TMEFF1: variants seen among roughly 807,000 people sequenced by gnomAD.
The protein encoded by TMEFF1 is tomoregulin-1.
A neutral mutation model predicts 47.5 loss-of-function variants in TMEFF1; 20 were observed. The ratio of observed to expected loss-of-function variants is 0.42; its 90% CI spans 0.30 to 0.61. TMEFF1 has a LOEUF of 0.61. Among genes scored for constraint, TMEFF1 ranks in the 20% least tolerant of loss-of-function variants. The pLI, the probability that TMEFF1 is intolerant of heterozygous loss-of-function variation, is 0.19. For synonymous variants in TMEFF1, 162 were observed against 166.3 expected (o/e 0.97, Z 0.20); for missense variants, 411 against 471.1 (o/e 0.87, Z 1.18).
chr9:100,495,122 C>G (rs1285166052), intron 1 of TMEFF1, among the ~76,000 whole-genome samples: 1 of 151,970 alleles, frequency 6.6e-6, no homozygotes, highest in Non-Finnish European at 1.5e-5. Flanking sequence ...TCCAGGACAC[C>G]AGTGTTCCTG....
intron 7 of TMEFF1, among the ~76,000 whole-genome samples, chr9:100,550,694 T>G (rs914669507): frequency 6.6e-6 from 1 of 152,204 alleles, no homozygotes; most frequent in African/African-American, 2.4e-5. Flanking sequence ...ATAACTGCCT[T>G]TTTATTCATC....
At chr9:100,569,376 T>C (rs1349602363) in intron 8 of TMEFF1, among the ~76,000 whole-genome samples, 5 of 152,234 alleles carry the variant, frequency 3.3e-5, no homozygotes, top group East Asian at 3.8e-4. Flanking sequence ...ACACATCCTT[T>C]GCTCTTTTAT....
At chr9:100,486,550 T>TA (rs933459718) in intron 1 of TMEFF1, among the ~76,000 whole-genome samples, 4 of 152,322 alleles carry the variant, frequency 2.6e-5, no homozygotes, top group African/African-American at 7.2e-5. Context: ...CCTGAACTTT[T>TA]AAAAAAATAT....
intron 7 of TMEFF1, among the ~76,000 whole-genome samples, chr9:100,554,895 C>G (rs1838887912): frequency 6.6e-6 from 1 of 152,128 alleles, no homozygotes; most frequent in Admixed American, 6.5e-5. Context: ...AGTGGTTTAC[C>G]TTCCAGATAC....
At chr9:100,492,775 C>T (rs1444583882) in intron 1 of TMEFF1, among the ~76,000 whole-genome samples, 3 of 152,016 alleles carry the variant, frequency 2.0e-5, no homozygotes, top group Non-Finnish European at 4.4e-5. Flanking sequence ...AAGAAAAAAG[C>T]CACTGGATCT....
intron 2 of TMEFF1, among the ~76,000 whole-genome samples, chr9:100,504,657 C>T (rs1837822983): frequency 6.6e-6 from 1 of 152,196 alleles, no homozygotes; most frequent in Non-Finnish European, 1.5e-5. Context: ...GTATTATAAT[C>T]ACCGTTGTAC....
At chr9:100,506,104 G>A (rs1463615462) in intron 2 of TMEFF1, among the ~76,000 whole-genome samples, 1 of 152,178 alleles carries the variant, frequency 6.6e-6, no homozygotes, top group East Asian at 1.9e-4. Flanking sequence ...AAGTCGACTA[G>A]GTTATAAAAT....
intron 1 of TMEFF1, among the ~76,000 whole-genome samples, chr9:100,496,327 C>T (rs1837647723): frequency 6.6e-6 from 1 of 152,218 alleles, no homozygotes. Context: ...GCAGCCTCCT[C>T]CTCCTGGGTT....
Position 100,473,594 on chromosome 9 carries a change from C to T in TMEFF1, c.50C>T (p.Pro17Leu). ...EAPLRLPAAP[P>L]LAFCCYTSVL... ...CCGCTCCGGCTGCCTGCCGCGCCTCCGCTCGCCTTCTGCTGCTACACGTCG... is the reference window on the plus strand; with the variant it reads ...CCGCTCCGGCTGCCTGCCGCGCCTCTGCTCGCCTTCTGCTGCTACACGTCG... Residue 17 changes from proline (P) to leucine (L), a missense_variant, in exon 1 of 10, where the codon CCG (proline) becomes CTG (leucine). Pro to Leu is a moderately conservative substitution (Grantham distance 98). Transcript: ENST00000374879. The surrounding 1 kb of genome is among the most constrained non-coding windows in gnomAD (Gnocchi z 5.4). 1.3e-6 allele frequency: 2 copies of T among 1,553,090 alleles called. No individual in the cohort carries two copies. Among genetic ancestry groups the T allele is most frequent in the Non-Finnish European group, 1.7e-6 (2 of 1,150,966 alleles).
chr9:100,511,334 T>C (rs1243466431), intron 3 of TMEFF1, among the ~76,000 whole-genome samples: 2 of 152,210 alleles, frequency 1.3e-5, no homozygotes, highest in African/African-American at 2.4e-5. Flanking sequence ...TTGGGAGCAC[T>C]GTGCTAGGGT....
intron 3 of TMEFF1, among the ~76,000 whole-genome samples, chr9:100,512,006 G>A (rs115070429): frequency 2.0e-5 from 3 of 152,186 alleles, no homozygotes; most frequent in Admixed American, 1.3e-4. Context: ...AAAAGATTGG[G>A]AGTAGTATCT....
intron 2 of TMEFF1, among the ~76,000 whole-genome samples, chr9:100,507,957 T>C (rs1272354105): frequency 6.6e-6 from 1 of 152,208 alleles, no homozygotes; most frequent in East Asian, 1.9e-4. Context: ...AAACATATTC[T>C]TTAATTATGT....
intron 5 of TMEFF1, among the ~76,000 whole-genome samples, chr9:100,543,704 AACACACACACACACACAC>A (rs36046142): frequency 2.2e-5 from 3 of 138,822 alleles, no homozygotes; most frequent in Admixed American, 7.3e-5. Flanking sequence ...GATGAAGTAA[AACACACACACACACACAC>A]ACACACACAC....
At chr9:100,507,210 G>A (rs1192148994) in intron 2 of TMEFF1, among the ~76,000 whole-genome samples, 2 of 152,186 alleles carry the variant, frequency 1.3e-5, no homozygotes, top group African/African-American at 4.8e-5. Context: ...TTATGGTTGT[G>A]TAGTATTCCT....
At chr9:100,554,907 T>A (rs1838888205) in intron 7 of TMEFF1, among the ~76,000 whole-genome samples, 1 of 152,128 alleles carries the variant, frequency 6.6e-6, no homozygotes, top group Non-Finnish European at 1.5e-5. Flanking sequence ...TCCAGATACA[T>A]GTCTCCATTG....
chr9:100,556,253 C>T (rs1388121456), intron 7 of TMEFF1, among the ~76,000 whole-genome samples: 2 of 152,122 alleles, frequency 1.3e-5, no homozygotes, highest in Non-Finnish European at 2.9e-5. Context: ...TTAAAAAATA[C>T]TTTTTGAATG....
intron 1 of TMEFF1, among the ~76,000 whole-genome samples, chr9:100,474,125 G>C (rs1837174265): frequency 6.6e-6 from 1 of 150,904 alleles, no homozygotes; most frequent in Non-Finnish European, 1.5e-5. Flanking sequence ...CCCCAGGCAG[G>C]GATCTGTGTG....
chr9:100,497,972 T>G (rs1378432397), intron 1 of TMEFF1, among the ~76,000 whole-genome samples: 1 of 152,110 alleles, frequency 6.6e-6, no homozygotes, highest in African/African-American at 2.4e-5. Context: ...TTTGTTTTTG[T>G]AAGCTCTCAT....
At chr9:100,527,386 C>A (rs1213201494) in intron 5 of TMEFF1, among the ~76,000 whole-genome samples, 1 of 152,160 alleles carries the variant, frequency 6.6e-6, no homozygotes, top group African/African-American at 2.4e-5. Context: ...GGTGCGCGCA[C>A]AGTGCGTGAG....
Sources: allele counts gnomAD v4.1 joint callset (sites outside exome capture counted in the v4.1 genomes callset), GRCh38; gene constraint gnomAD v4.1.1; non-coding constraint Gnocchi (gnomAD v3.1); transcripts MANE v1.5; gene names NCBI Gene and HGNC (gene_info 2026-07-23, HGNC 2026-07-21).